PHF14: variants seen among roughly 807,000 people sequenced by gnomAD.
PHF14 encodes PHD finger protein 14.
Under a neutral mutation model 117.9 loss-of-function variants are expected in PHF14, and 55 were observed. That is an observed-to-expected ratio of 0.47 (90% CI 0.38 to 0.58). PHF14 has a LOEUF of 0.58. Among genes scored for constraint, PHF14 ranks in the 20% least tolerant of loss-of-function variants. The pLI is 0.00. For missense variants in PHF14, 978 were observed against 1,122.2 expected (o/e 0.87, Z 1.84); for synonymous variants, 409 against 368.6 (o/e 1.11, Z -1.26).
At chr7:11,019,850 A>T (rs1420857352) in intron 5 of PHF14, among the ~76,000 whole-genome samples, 2 of 151,820 alleles carry the variant, frequency 1.3e-5, no homozygotes, top group Admixed American at 6.6e-5. Context: ...TTCTCTTTTG[A>T]TGTAGGTACC....
At chr7:11,007,503 T>C (rs1345677917) in intron 4 of PHF14, among the ~76,000 whole-genome samples, 1 of 152,162 alleles carries the variant, frequency 6.6e-6, no homozygotes, top group African/African-American at 2.4e-5. Context: ...GGGACATTTT[T>C]AAAAGTGTAA....
intron 17 of PHF14, among the ~76,000 whole-genome samples, chr7:11,145,176 C>G (rs527356959): frequency 1.3e-5 from 2 of 151,986 alleles, no homozygotes; most frequent in African/African-American, 2.4e-5. Flanking sequence ...GGCAGAGGAA[C>G]TCACCTGGTT....
rs1487045195 is a variant in PHF14 at position 11,130,457 on chromosome 7, T to C, written c.2772+18990T>C. ...AATAGCTGCTAATATGTTCTCTTGATTTTTTTCTTTGCTTTTTTAAAAATA... is the reference window on the plus strand; with the variant it reads ...AATAGCTGCTAATATGTTCTCTTGACTTTTTTCTTTGCTTTTTTAAAAATA... On this transcript the variant is annotated intron_variant, in intron 17 of 17. Transcript: ENST00000634607. The surrounding 1 kb of genome is among the most constrained non-coding windows in gnomAD (Gnocchi z 4.2). Among the ~76,000 whole-genome samples, 2 of 152,016 alleles carry C rather than the reference T, an allele frequency of 1.3e-5. No individual in the cohort carries two copies. Among genetic ancestry groups the C allele is most frequent in the South Asian group, 2.1e-4 (1 of 4,824 alleles).
chr7:11,133,060 T>C (rs1001105747), intron 17 of PHF14, among the ~76,000 whole-genome samples: 3 of 151,898 alleles, frequency 2.0e-5, no homozygotes, highest in African/African-American at 7.2e-5. Context: ...AATAAAGAAC[T>C]AAATAAATAG....
chr7:11,106,975 C>T (rs191877686), intron 16 of PHF14: 4 of 982,876 alleles, frequency 4.1e-6, no homozygotes, highest in East Asian at 1.1e-4. Flanking sequence ...AATGTACATC[C>T]TTGTTCAAGT....
chr7:11,088,516 A>G (rs1786510555), intron 16 of PHF14, among the ~76,000 whole-genome samples: 1 of 152,110 alleles, frequency 6.6e-6, no homozygotes, highest in Admixed American at 6.5e-5. Context: ...GTTTTCATCC[A>G]TTTTTAAATG....
At chr7:10,988,225 A>T (rs901503556) in intron 3 of PHF14, among the ~76,000 whole-genome samples, 2 of 152,176 alleles carry the variant, frequency 1.3e-5, no homozygotes, top group African/African-American at 4.8e-5. Context: ...GGCCAGAAAC[A>T]TTAGTTAATG....
At chr7:11,121,880 G>A (rs1370345288) in intron 17 of PHF14, among the ~76,000 whole-genome samples, 3 of 151,844 alleles carry the variant, frequency 2.0e-5, no homozygotes, top group South Asian at 4.2e-4. Context: ...AAGTTCTGGG[G>A]TACGTGTCCA....
intron 3 of PHF14, among the ~76,000 whole-genome samples, chr7:10,984,337 C>G (rs1782145053): frequency 6.6e-6 from 1 of 152,086 alleles, no homozygotes; most frequent in Non-Finnish European, 1.5e-5. Context: ...TGGTTAACTT[C>G]TGAAACCAAT....
At chr7:11,122,337 A>G (rs1341718653) in intron 17 of PHF14, among the ~76,000 whole-genome samples, 1 of 89,996 alleles carries the variant, frequency 1.1e-5, no homozygotes, top group African/African-American at 6.0e-5. Context: ...CTTTTTATAT[A>G]TATATATATA....
intron 11 of PHF14, among the ~76,000 whole-genome samples, chr7:11,039,496 A>G (rs1477066932): frequency 6.6e-6 from 1 of 152,114 alleles, no homozygotes; most frequent in Non-Finnish European, 1.5e-5. Context: ...CTTTTTTAGT[A>G]CTGTGTATAT....
At chr7:11,023,163 A>G (rs1193678820) in intron 6 of PHF14, among the ~76,000 whole-genome samples, 184 bp downstream of exon 6, 2 of 152,190 alleles carry the variant, frequency 1.3e-5, no homozygotes, top group Non-Finnish European at 2.9e-5. Flanking sequence ...ATTCTTCTAT[A>G]CATTCTTAAT....
At chr7:11,168,676 C>A (rs1197465505) in intron 17 of PHF14, among the ~76,000 whole-genome samples, 1 of 152,016 alleles carries the variant, frequency 6.6e-6, no homozygotes, top group Non-Finnish European at 1.5e-5. Flanking sequence ...GAAAGCAAGA[C>A]TGTTTTGTAC....
intron 10 of PHF14, 140 bp from the exon 11 acceptor site, chr7:11,038,620 C>T (rs999949928): frequency 5.3e-5 from 13 of 246,798 alleles, no homozygotes; most frequent in East Asian, 7.7e-5. Flanking sequence ...ATCGTGTCAC[C>T]GCACTCCAGC....
intron 16 of PHF14, among the ~76,000 whole-genome samples, chr7:11,100,134 A>G (rs1035560747): frequency 6.6e-6 from 1 of 152,060 alleles, no homozygotes; most frequent in Admixed American, 6.6e-5. Context: ...TTACTCCTGT[A>G]TCAAGGTTTT....
chr7:11,022,103 T>C lies in PHF14; in HGVS notation c.1206-765T>C, dbSNP rs73678565. Among the ~76,000 whole-genome samples, 1,344 of 152,244 alleles carry C rather than the reference T, an allele frequency of 8.8e-3. 32 individuals are homozygous for C. Among genetic ancestry groups the C allele is most frequent in the African/African-American group, 0.031 (1,281 of 41,540 alleles). On this transcript the variant is annotated intron_variant, in intron 5 of 17. Transcript: ENST00000634607. ...AGAGTGCCTAATATATTAAAAAAGG[T>C]TCAGAGCAGTTTTTAAAAAATGAAA... is the stretch of plus-strand genomic sequence containing the variant.
chr7:11,098,166 C>T (rs1481213849), intron 16 of PHF14, among the ~76,000 whole-genome samples: 1 of 152,098 alleles, frequency 6.6e-6, no homozygotes, highest in Admixed American at 6.5e-5. Flanking sequence ...GTATTTACTT[C>T]TATTCAGACA....
At chr7:11,103,659 C>T (rs781674485) in intron 16 of PHF14, 61 of 984,998 alleles carry the variant, frequency 6.2e-5, no homozygotes, top group Middle Eastern at 5.2e-4. Context: ...GACATCTTTT[C>T]GGGTATAGTG....
At chr7:11,146,967 C>T (rs901306137) in intron 17 of PHF14, among the ~76,000 whole-genome samples, 1 of 152,166 alleles carries the variant, frequency 6.6e-6, no homozygotes, top group African/African-American at 2.4e-5. Context: ...CCTTCTCAGC[C>T]TTCTGAGTAG....
Sources: allele counts gnomAD v4.1 joint callset (sites outside exome capture counted in the v4.1 genomes callset), GRCh38; gene constraint gnomAD v4.1.1; non-coding constraint Gnocchi (gnomAD v3.1); transcripts MANE v1.5; gene names NCBI Gene and HGNC (gene_info 2026-07-23, HGNC 2026-07-21).